Variants in PHACTR1 observed in about 807,000 individuals in gnomAD.
PHACTR1 encodes RPEL repeat containing 1.
In PHACTR1, 16 loss-of-function variants were observed where a neutral mutation model predicts 69.2. That is an observed-to-expected ratio of 0.23 (90% CI 0.16 to 0.35). PHACTR1 has a LOEUF of 0.35. PHACTR1 is among the 10% of genes least tolerant of loss of function. The pLI, the probability that PHACTR1 is intolerant of heterozygous loss-of-function variation, is 1.00. For missense variants in PHACTR1, 510 were observed against 734.7 expected, an observed-to-expected ratio of 0.69 and a Z score of 3.54; for synonymous variants, 312 against 284.5, an observed-to-expected ratio of 1.10 and a Z score of -0.97.
intron 4 of PHACTR1, among the ~76,000 whole-genome samples, chr6:12,812,998 ATAAT>A (rs941663089): frequency 3.3e-5 from 5 of 152,346 alleles, no homozygotes; most frequent in African/African-American, 4.8e-5. Context: ...GTGGATTTTA[ATAAT>A]TAATTCATTA....
At chr6:12,744,507 C>T (rs1463337708) in intron 3 of PHACTR1, among the ~76,000 whole-genome samples, 1 of 152,156 alleles carries the variant, frequency 6.6e-6, no homozygotes, top group Admixed American at 6.5e-5. Context: ...GTCAGTGCTG[C>T]AATCTATTTC....
chr6:12,736,459 T>C (rs1247194868), intron 3 of PHACTR1, among the ~76,000 whole-genome samples: 1 of 152,110 alleles, frequency 6.6e-6, no homozygotes, highest in Admixed American at 6.6e-5. Flanking sequence ...AATACAAAAA[T>C]TCAAAGACTG....
chr6:12,969,131 TG>T (rs907768862), intron 4 of PHACTR1, among the ~76,000 whole-genome samples: 68 of 152,292 alleles, frequency 4.5e-4, no homozygotes, highest in African/African-American at 1.6e-3. Context: ...ATATTCTGGG[TG>T]GGACTTGGGC....
chr6:13,194,685 G>T (rs1764125216), intron 7 of PHACTR1, among the ~76,000 whole-genome samples: 1 of 152,204 alleles, frequency 6.6e-6, no homozygotes, highest in African/African-American at 2.4e-5. Context: ...TGATAAGTAT[G>T]TAAGGTGATG....
rs144520725 is a variant in PHACTR1, at chr6:12,865,690, C to G, written c.250+115900C>G. Among the ~76,000 whole-genome samples the G allele has an allele frequency of 1.6e-4, 25 of 152,330 alleles. No homozygotes were observed. In the East Asian group the frequency reaches 4.6e-3, roughly 28 times the overall value. ...CATTCAAATATAATAGTTTGCAAAG[C>G]TGTAAAATGACAGGTTTGAATTTCT... On this transcript the variant is annotated intron_variant, in intron 4 of 14. Coordinates refer to ENST00000332995, the MANE Select transcript of PHACTR1 (RefSeq NM_030948.6).
rs73722892 is a variant in PHACTR1, at chr6:12,860,957, T to G, written c.250+111167T>G. Among the ~76,000 whole-genome samples, 968 of 152,326 alleles carry G rather than the reference T, an allele frequency of 6.4e-3. 19 individuals are homozygous for G. The highest frequency in any genetic ancestry group is 0.021 in the African/African-American group (893 of 41,580). Reference sequence around the variant, plus strand: ...AGTAAGGCAACACTATAAAGTGGTTTTATAATTTCACACCATCTTCAAAAT... The same window carrying G: ...AGTAAGGCAACACTATAAAGTGGTTGTATAATTTCACACCATCTTCAAAAT... On this transcript the variant is annotated intron_variant, in intron 4 of 14. Coordinates refer to ENST00000332995, the MANE Select transcript of PHACTR1 (RefSeq NM_030948.6).
At chr6:13,277,285 G>A (rs1311921230) in intron 11 of PHACTR1, among the ~76,000 whole-genome samples, 3 of 151,580 alleles carry the variant, frequency 2.0e-5, no homozygotes, top group African/African-American at 7.3e-5. Context: ...TAAGGCAAGA[G>A]CTTTCAGGCT....
At chr6:13,064,866 A>G (rs1808385140) in intron 5 of PHACTR1, among the ~76,000 whole-genome samples, 1 of 151,844 alleles carries the variant, frequency 6.6e-6, no homozygotes, top group Non-Finnish European at 1.5e-5. Context: ...TTGTTTTTCA[A>G]TAACTAATAT....
chr6:12,928,074 G>A (rs1015966376), intron 4 of PHACTR1, among the ~76,000 whole-genome samples: 3 of 110,018 alleles, frequency 2.7e-5, no homozygotes, highest in African/African-American at 1.8e-4. Flanking sequence ...CCCCTCTGTC[G>A]ACTCAGACTA....
chr6:12,896,370 C>T (rs191830525), intron 4 of PHACTR1, among the ~76,000 whole-genome samples: 84 of 152,280 alleles, frequency 5.5e-4, no homozygotes, highest in Middle Eastern at 6.8e-3. Context: ...TAGGGTGTTT[C>T]TTCTCACAGA....
intron 8 of PHACTR1, among the ~76,000 whole-genome samples, chr6:13,224,360 A>G (rs1057236401): frequency 6.6e-5 from 10 of 152,266 alleles, no homozygotes; most frequent in Non-Finnish European, 1.3e-4. Context: ...GTTTGGGAAC[A>G]CATTCCAGGC....
intron 8 of PHACTR1, among the ~76,000 whole-genome samples, chr6:13,216,783 G>A (rs753953095): frequency 3.3e-5 from 5 of 152,186 alleles, no homozygotes; most frequent in African/African-American, 4.8e-5. Flanking sequence ...TTAGTGCAAA[G>A]TAATGTCATT....
chr6:13,069,141 A>G lies in PHACTR1; in HGVS notation c.415+15612A>G, dbSNP rs572444274. On this transcript the variant is annotated intron_variant, in intron 5 of 14. Coordinates refer to ENST00000332995, the MANE Select transcript of PHACTR1 (RefSeq NM_030948.6). The stretch of plus-strand genomic sequence containing the variant: ...ACAGAAGGGATTGCTGGACCCCAGA[A>G]ACAGAGGAACACTAACATGGCCCTC... 2.6e-5 allele frequency among the ~76,000 whole-genome samples: 4 copies of G among 152,154 alleles called. No individual in the cohort carries two copies. The South Asian group carries it at 8.3e-4, about 32-fold the overall frequency.
intron 10 of PHACTR1, among the ~76,000 whole-genome samples, chr6:13,244,500 C>T (rs138595759): frequency 1.3e-5 from 2 of 152,322 alleles, no homozygotes; most frequent in African/African-American, 4.8e-5. Flanking sequence ...CCCCTGCAGT[C>T]TCAACCATAA....
intron 4 of PHACTR1, among the ~76,000 whole-genome samples, chr6:12,825,973 G>C (rs760280413): frequency 6.6e-6 from 1 of 152,202 alleles, no homozygotes; most frequent in Non-Finnish European, 1.5e-5. Flanking sequence ...GTTTTTCCTA[G>C]ATTACAGTTT....
At chr6:12,924,526 G>A (rs1019840592) in intron 4 of PHACTR1, among the ~76,000 whole-genome samples, 3 of 152,120 alleles carry the variant, frequency 2.0e-5, no homozygotes, top group Admixed American at 6.5e-5. Flanking sequence ...TGTAATCCCA[G>A]CACTTTGGGA....
Position 12,860,215 on chromosome 6 carries a change from T to G in PHACTR1, c.250+110425T>G, listed in dbSNP as rs372380076. On this transcript the variant is annotated intron_variant, in intron 4 of 14. Transcript: ENST00000332995. ...CCCCTCGGTGCCCATATGTTCCCAT[T>G]GTTCAACTGCCACTTATGAACATTT... 2.0e-4 allele frequency among the ~76,000 whole-genome samples: 31 copies of G among 152,238 alleles called. No individual in the cohort carries two copies. In the East Asian group the frequency reaches 3.1e-3, roughly 15 times the overall value.
intron 5 of PHACTR1, among the ~76,000 whole-genome samples, chr6:13,105,481 T>C (rs1235659400): frequency 6.6e-6 from 1 of 152,160 alleles, no homozygotes; most frequent in East Asian, 1.9e-4. Flanking sequence ...CCCCCTTTAA[T>C]TCTGTTTCAA....
chr6:12,845,937 G>C (rs1360896454), intron 4 of PHACTR1, among the ~76,000 whole-genome samples: 1 of 152,182 alleles, frequency 6.6e-6, no homozygotes, highest in African/African-American at 2.4e-5. Flanking sequence ...CCTGCTGAAA[G>C]TATGCATCTC....
Sources: allele counts gnomAD v4.1 joint callset (sites outside exome capture counted in the v4.1 genomes callset), GRCh38; gene constraint gnomAD v4.1.1; transcripts MANE v1.5; gene names NCBI Gene and HGNC (gene_info 2026-07-23, HGNC 2026-07-21).